The following RBMS3 variants were observed in gnomAD, a reference collection of about 807,000 sequenced individuals.
RBMS3 encodes RNA binding motif single stranded interacting protein 3.
In RBMS3, 27 loss-of-function variants were observed where a neutral mutation model predicts 66.8. That is an observed-to-expected ratio of 0.40 (90% CI 0.30 to 0.56). RBMS3 has a LOEUF of 0.56. RBMS3 is among the 20% of genes least tolerant of loss of function. The pLI is 0.40. For synonymous variants in RBMS3, 188 were observed against 183.0 expected, an observed-to-expected ratio of 1.03 and a Z score of -0.22; for missense variants, 513 against 549.5, an observed-to-expected ratio of 0.93 and a Z score of 0.66.
intron 6 of RBMS3, among the ~76,000 whole-genome samples, chr3:29,859,623 A>T (rs186443030): frequency 1.6e-3 from 247 of 152,360 alleles, no homozygotes; most frequent in African/African-American, 5.7e-3. Flanking sequence ...ATTTTATTAC[A>T]ACTAAGAATT....
chr3:29,658,309 C>T (rs966280827), intron 4 of RBMS3, among the ~76,000 whole-genome samples: 2 of 152,122 alleles, frequency 1.3e-5, no homozygotes, highest in Non-Finnish European at 2.9e-5. Flanking sequence ...CAATGCTTCT[C>T]AAAATTTTGT....
intron 14 of RBMS3, among the ~76,000 whole-genome samples, chr3:29,995,144 G>A (rs1046468704): frequency 1.5e-4 from 23 of 152,290 alleles, no homozygotes; most frequent in African/African-American, 3.1e-4. Context: ...CTCAGGAGCC[G>A]ATGCGATCAA....
At chr3:29,626,133 G>C (rs1297036285) in intron 4 of RBMS3, among the ~76,000 whole-genome samples, 1 of 152,116 alleles carries the variant, frequency 6.6e-6, no homozygotes, top group Non-Finnish European at 1.5e-5. Flanking sequence ...TTCCTGATCT[G>C]GAAACAATGC....
At chr3:29,399,809 G>A (rs1177721437) in intron 1 of RBMS3, among the ~76,000 whole-genome samples, 1 of 152,126 alleles carries the variant, frequency 6.6e-6, no homozygotes, top group Non-Finnish European at 1.5e-5. Context: ...AGCACTGATA[G>A]GCAGGTAGAG....
chr3:29,528,096 A>G (rs1486221408), intron 3 of RBMS3, among the ~76,000 whole-genome samples: 2 of 149,604 alleles, frequency 1.3e-5, no homozygotes, highest in Non-Finnish European at 3.0e-5. Context: ...AACATCCACA[A>G]ATGCAAGCAA....
chr3:29,774,484 A>T (rs80110532), intron 6 of RBMS3, among the ~76,000 whole-genome samples: 5,116 of 152,190 alleles, frequency 0.034, 125 homozygotes, highest in South Asian at 0.12. Flanking sequence ...AAAAAATCTT[A>T]GCAAAGTGTA....
chr3:29,831,883 A>G (rs999196112), intron 6 of RBMS3, among the ~76,000 whole-genome samples: 16 of 152,096 alleles, frequency 1.1e-4, no homozygotes, highest in Non-Finnish European at 2.2e-4. Context: ...AAAAAAAATA[A>G]CATGGGAGAA....
At chr3:29,519,284 T>A (rs2044760141) in intron 3 of RBMS3, among the ~76,000 whole-genome samples, 1 of 152,096 alleles carries the variant, frequency 6.6e-6, no homozygotes, top group Non-Finnish European at 1.5e-5. Flanking sequence ...GAGGACTAAA[T>A]AAGGCGAGGG....
At chr3:29,712,245 T>C (rs2053202618) in intron 4 of RBMS3, among the ~76,000 whole-genome samples, 1 of 152,152 alleles carries the variant, frequency 6.6e-6, no homozygotes, top group South Asian at 2.1e-4. Flanking sequence ...ATATTATTTC[T>C]GGTTATATCT....
chr3:29,536,675 A>G (rs2045568699), intron 3 of RBMS3, among the ~76,000 whole-genome samples: 1 of 152,212 alleles, frequency 6.6e-6, no homozygotes, highest in Non-Finnish European at 1.5e-5. Flanking sequence ...GCAAATTCCA[A>G]GCAACATATT....
chr3:29,281,817 A>C, intron 1 of RBMS3, 61 bp downstream of exon 1: 1 of 1,409,280 alleles, frequency 7.1e-7, no homozygotes, highest in Non-Finnish European at 9.9e-7. Context: ...GGGATGGGAA[A>C]CAGACAGGCG....
chr3:29,860,678 C>A (rs975894223), intron 6 of RBMS3, among the ~76,000 whole-genome samples: 35 of 152,132 alleles, frequency 2.3e-4, no homozygotes, highest in African/African-American at 8.2e-4. Context: ...AGAGTAGTGC[C>A]AGTATTAGTT....
chr3:29,707,163 TC>T (rs1397672356), intron 4 of RBMS3, among the ~76,000 whole-genome samples: 1 of 152,212 alleles, frequency 6.6e-6, no homozygotes, highest in African/African-American at 2.4e-5. Flanking sequence ...TGGAAAATGT[TC>T]CTTTATATTC....
At position 29,979,975 on chromosome 3, in the gene RBMS3, T is replaced by C. The variant is rs187881642; in HGVS notation, c.1099-8168T>C. 4.5e-3 allele frequency among the ~76,000 whole-genome samples: 680 copies of C among 152,244 alleles called. 6 individuals carry two copies. Among genetic ancestry groups the C allele is most frequent in the African/African-American group, 0.016 (669 of 41,550 alleles). On this transcript the variant is annotated intron_variant, in intron 12 of 14. Coordinates refer to ENST00000383767, the MANE Select transcript of RBMS3 (RefSeq NM_001003793.3). ...CAGTAATGGGATTGCTGGGTCAAATTGTATTTCTGGTTCTAGATCCCTGAG... is the reference window on the plus strand; with the variant it reads ...CAGTAATGGGATTGCTGGGTCAAATCGTATTTCTGGTTCTAGATCCCTGAG...
intron 10 of RBMS3, among the ~76,000 whole-genome samples, chr3:29,932,686 C>T (rs998968690): frequency 6.6e-6 from 1 of 152,144 alleles, no homozygotes; most frequent in African/African-American, 2.4e-5. Context: ...CCTGATTTGC[C>T]AATGGTTTTG....
At chr3:29,988,321 T>G in intron 13 of RBMS3, 98 bp downstream of exon 13, 1 of 925,108 alleles carries the variant, frequency 1.1e-6, no homozygotes, top group Non-Finnish European at 1.7e-6. Context: ...ACTTGCAATT[T>G]TTGTGCTACT....
intron 1 of RBMS3, among the ~76,000 whole-genome samples, chr3:29,285,215 T>C (rs1193001450): frequency 4.0e-5 from 4 of 100,350 alleles, no homozygotes; most frequent in Admixed American, 1.4e-4. Context: ...TTCTGAATTT[T>C]TGAGGTACTT....
rs199905835 is a variant in RBMS3, at chr3:29,284,867, T to TC, written c.75+3111_75+3112insC. On this transcript the variant is annotated intron_variant, in intron 1 of 14. Coordinates refer to ENST00000383767, the MANE Select transcript of RBMS3 (RefSeq NM_001003793.3). Reference sequence around the variant, plus strand: ...TTTCTTTTTGATGAATTTTTCTTTTTTTTTTTTTTTTTTTTTACCAAAAGA... The same window carrying TC: ...TTTCTTTTTGATGAATTTTTCTTTTTCTTTTTTTTTTTTTTTTACCAAAAGA... Among the ~76,000 whole-genome samples, 7 of 133,844 alleles carry TC rather than the reference T, an allele frequency of 5.2e-5. No individual in the cohort carries two copies. In the East Asian group the frequency reaches 6.0e-4, roughly 11 times the overall value. The allele number at this position is 133,844 out of a possible 152,430, so 87.8% of individuals were successfully genotyped here. A position where few individuals can be genotyped will look rare whatever the true frequency, so the allele number is the denominator to read the frequency against.
chr3:29,484,835 C>A (rs74558027), intron 2 of RBMS3, among the ~76,000 whole-genome samples: 7,766 of 152,138 alleles, frequency 0.051, 501 homozygotes, highest in African/African-American at 0.15. Context: ...TGCTAAAAGG[C>A]TAATGTTTCA....
Sources: allele counts gnomAD v4.1 joint callset (sites outside exome capture counted in the v4.1 genomes callset), GRCh38; gene constraint gnomAD v4.1.1; transcripts MANE v1.5; gene names NCBI Gene and HGNC (gene_info 2026-07-23, HGNC 2026-07-21).